Variants in TBCA observed in about 807,000 individuals in gnomAD.
The protein encoded by TBCA is tubulin-specific chaperone A.
In TBCA, 6 loss-of-function variants were observed where a neutral mutation model predicts 15.8. The observed-to-expected ratio is 0.38, with a 90% CI of 0.21 to 0.75. The LOEUF (loss-of-function observed/expected upper bound fraction) is 0.75, where lower values mean the gene tolerates loss of function less well. Among genes scored for constraint, TBCA ranks in the 30% least tolerant of loss-of-function variants. The pLI is 0.46. For missense variants in TBCA, 90 were observed against 131.2 expected, an observed-to-expected ratio of 0.69 and a Z score of 1.53; for synonymous variants, 32 against 42.3, an observed-to-expected ratio of 0.76 and a Z score of 0.94.
chr5:77,702,170 G>A (rs1746034418), intron 2 of TBCA, among the ~76,000 whole-genome samples: 1 of 151,946 alleles, frequency 6.6e-6, no homozygotes, highest in Admixed American at 6.6e-5. Flanking sequence ...TACCACCTGT[G>A]CCCCCAAAAC....
intron 1 of TBCA, among the ~76,000 whole-genome samples, chr5:77,712,828 T>C (rs1460927022): frequency 1.3e-5 from 2 of 152,198 alleles, no homozygotes; most frequent in Non-Finnish European, 1.5e-5. Context: ...GATGCTATTA[T>C]GGAAATATAC....
At chr5:77,739,284 A>G (rs1051379742) in intron 1 of TBCA, among the ~76,000 whole-genome samples, 2 of 151,868 alleles carry the variant, frequency 1.3e-5, no homozygotes, top group African/African-American at 2.4e-5. Flanking sequence ...AACATGGTGA[A>G]CCCTTGTCTC....
chr5:77,770,579 C>CA (rs11294658), intron 1 of TBCA, among the ~76,000 whole-genome samples: 6 of 150,416 alleles, frequency 4.0e-5, no homozygotes, highest in South Asian at 4.2e-4. Context: ...TCCCCCGCTC[C>CA]AAAAAAAAAA....
intron 1 of TBCA, among the ~76,000 whole-genome samples, chr5:77,763,871 G>T (rs145095620): frequency 6.6e-6 from 1 of 152,136 alleles, no homozygotes; most frequent in African/African-American, 2.4e-5. Flanking sequence ...ATGACCAAAC[G>T]ATTTCATTCC....
intron 1 of TBCA, among the ~76,000 whole-genome samples, chr5:77,762,265 A>G (rs1580135909): frequency 6.6e-6 from 1 of 152,240 alleles, no homozygotes; most frequent in East Asian, 1.9e-4. Context: ...GAATTATTCT[A>G]TTTATAAACA....
At chr5:77,729,587 C>T (rs979003876) in intron 1 of TBCA, among the ~76,000 whole-genome samples, 2 of 152,066 alleles carry the variant, frequency 1.3e-5, no homozygotes, top group African/African-American at 2.4e-5. Context: ...TTGCAATCTG[C>T]GTAAGATTGC....
chr5:77,693,985 GC>G (rs1259672909), intron 2 of TBCA, among the ~76,000 whole-genome samples: 1 of 152,046 alleles, frequency 6.6e-6, no homozygotes, highest in Admixed American at 6.5e-5. Flanking sequence ...TATTTCCCCT[GC>G]TGTTGCAAAG....
At chr5:77,761,698 T>C (rs796283639) in intron 1 of TBCA, among the ~76,000 whole-genome samples, 85 of 137,306 alleles carry the variant, frequency 6.2e-4, no homozygotes, top group African/African-American at 2.2e-3. Context: ...ATTTAATCAC[T>C]TTTTTTTTTT....
intron 1 of TBCA, among the ~76,000 whole-genome samples, chr5:77,753,373 G>T (rs886626667): frequency 2.0e-5 from 3 of 152,200 alleles, no homozygotes; most frequent in African/African-American, 7.2e-5. Context: ...ACTTTCTCCT[G>T]ACACATATAC....
chr5:77,754,133 T>C (rs1747421119), intron 1 of TBCA, among the ~76,000 whole-genome samples: 1 of 152,220 alleles, frequency 6.6e-6, no homozygotes, highest in South Asian at 2.1e-4. Flanking sequence ...GTCTGGACTC[T>C]ATGGCTTGTC....
At chr5:77,761,613 A>T (rs540345001) in intron 1 of TBCA, among the ~76,000 whole-genome samples, 1 of 152,068 alleles carries the variant, frequency 6.6e-6, no homozygotes, top group East Asian at 1.9e-4. Context: ...CTCTCCGAGA[A>T]ACACCCAAGA....
At chr5:77,769,786 G>GTA (rs963847387) in intron 1 of TBCA, among the ~76,000 whole-genome samples, 15 of 152,076 alleles carry the variant, frequency 9.9e-5, no homozygotes, top group Non-Finnish European at 5.9e-5. Flanking sequence ...AGTGTTAAAA[G>GTA]ACTGTTAAAG....
At chr5:77,758,577 C>T (rs1288248119) in intron 1 of TBCA, among the ~76,000 whole-genome samples, 2 of 152,178 alleles carry the variant, frequency 1.3e-5, no homozygotes, top group Non-Finnish European at 2.9e-5. Flanking sequence ...TTCTACAACA[C>T]GGTGTCTGAG....
At chr5:77,745,705 C>T (rs1432275560) in intron 1 of TBCA, among the ~76,000 whole-genome samples, 2 of 152,252 alleles carry the variant, frequency 1.3e-5, no homozygotes, top group East Asian at 1.9e-4. Flanking sequence ...GTGCCTTATA[C>T]GTAGTAGATA....
intron 1 of TBCA, chr5:77,715,200 TA>T (rs1746370294): frequency 8.6e-6 from 6 of 694,842 alleles, no homozygotes; most frequent in Non-Finnish European, 1.6e-5. Context: ...CATAAAAATG[TA>T]AAAAGTTGAT....
At chr5:77,768,434 G>A (rs934587868) in intron 1 of TBCA, among the ~76,000 whole-genome samples, 63 of 152,172 alleles carry the variant, frequency 4.1e-4, no homozygotes, top group African/African-American at 1.4e-3. Flanking sequence ...TGGAGCCTGG[G>A]AGCCCATCTA....
At chr5:77,726,050 T>C (rs1421310648) in intron 1 of TBCA, among the ~76,000 whole-genome samples, 5 of 152,200 alleles carry the variant, frequency 3.3e-5, no homozygotes, top group African/African-American at 1.2e-4. Context: ...CGACACACAT[T>C]CAACTACTCT....
intron 1 of TBCA, among the ~76,000 whole-genome samples, chr5:77,729,099 A>C (rs889937696): frequency 1.3e-5 from 2 of 152,086 alleles, no homozygotes; most frequent in Non-Finnish European, 1.5e-5. Context: ...GGATCACCTG[A>C]GGTCCGGAGT....
intron 2 of TBCA, 105 bp from the exon 3 acceptor site, chr5:77,693,457 T>C: frequency 7.8e-7 from 1 of 1,288,276 alleles, no homozygotes; most frequent in Non-Finnish European, 1.1e-6. Flanking sequence ...AGAAAAAAGT[T>C]ATGGTTATGT....
Sources: gnomAD v4.1 joint callset for allele counts (sites outside exome capture counted in the v4.1 genomes callset) on GRCh38, gnomAD v4.1.1 for gene constraint, MANE v1.5 for transcripts, NCBI Gene and HGNC (gene_info 2026-07-23, HGNC 2026-07-21) for gene names.